The following ERGIC1 variants were observed in gnomAD, a reference collection of about 807,000 sequenced individuals.
The protein encoded by ERGIC1 is endoplasmic reticulum-Golgi intermediate compartment protein 1.
In ERGIC1, 19 loss-of-function variants were observed where a neutral mutation model predicts 38.3. The ratio of observed to expected loss-of-function variants is 0.50; its 90% confidence interval spans 0.35 to 0.73. ERGIC1 has a LOEUF of 0.73. Ranked by LOEUF, ERGIC1 falls within the 30% of genes least tolerant of loss-of-function variation. The pLI is 0.01. For synonymous variants in ERGIC1, 124 were observed against 157.6 expected (o/e 0.79, Z 1.60); for missense variants, 294 against 389.2 (o/e 0.76, Z 2.06).
At chr5:172,897,961 C>T in intron 3 of ERGIC1, 1 of 413,426 alleles carries the variant, frequency 2.4e-6, no homozygotes, top group Non-Finnish European at 4.4e-6. Flanking sequence ...GTGTGTGTAA[C>T]AGAATGCCAT....
intron 3 of ERGIC1, among the ~76,000 whole-genome samples, chr5:172,905,745 G>A (rs74441999): frequency 1.5e-5 from 2 of 131,640 alleles, no homozygotes; most frequent in Admixed American, 1.5e-4. Flanking sequence ...CCGGAACACA[G>A]ACCAGAAGAG....
intron 3 of ERGIC1, among the ~76,000 whole-genome samples, chr5:172,902,867 T>G (rs1323250909): frequency 6.6e-6 from 1 of 152,038 alleles, no homozygotes; most frequent in Non-Finnish European, 1.5e-5. Context: ...TCTGAACTAT[T>G]TAAGTGCTCT....
chr5:172,900,058 C>T (rs1465687402), intron 3 of ERGIC1, among the ~76,000 whole-genome samples: 2 of 152,230 alleles, frequency 1.3e-5, no homozygotes, highest in South Asian at 2.1e-4. Flanking sequence ...TAAGAAGATG[C>T]CTCTCTTGCC....
At chr5:172,854,805 A>G (rs1471929569) in intron 1 of ERGIC1, among the ~76,000 whole-genome samples, 2 of 152,264 alleles carry the variant, frequency 1.3e-5, no homozygotes. Flanking sequence ...TTAATGTCTA[A>G]TAGTAGAAGT....
At chr5:172,879,062 G>C (rs1762217678) in intron 1 of ERGIC1, among the ~76,000 whole-genome samples, 1 of 152,172 alleles carries the variant, frequency 6.6e-6, no homozygotes, top group Non-Finnish European at 1.5e-5. Flanking sequence ...TTAAGCCTTG[G>C]AAACAGTGAC....
intron 1 of ERGIC1, among the ~76,000 whole-genome samples, chr5:172,885,931 A>G (rs1359990012): frequency 6.6e-6 from 1 of 152,084 alleles, no homozygotes; most frequent in African/African-American, 2.4e-5. Context: ...ACTTCCATGT[A>G]AAATTCCACA....
intron 7 of ERGIC1, among the ~76,000 whole-genome samples, chr5:172,927,379 GC>G (rs1054858146): frequency 3.9e-5 from 6 of 152,074 alleles, no homozygotes; most frequent in Admixed American, 2.6e-4. Flanking sequence ...TCTGTGACCT[GC>G]CCCCCCGACA....
At chr5:172,855,336 G>T (rs958735373) in intron 1 of ERGIC1, among the ~76,000 whole-genome samples, 7 of 152,174 alleles carry the variant, frequency 4.6e-5, no homozygotes, top group Non-Finnish European at 1.0e-4. Flanking sequence ...TCTGCTGGGG[G>T]CTCCACCCAC....
chr5:172,932,519 T>A lies in ERGIC1; in HGVS notation c.625T>A (p.Tyr209Asn). Reference protein sequence around the residue: ...KSGKQRYSYQYTVANKEYVAY... With the variant: ...KSGKQRYSYQNTVANKEYVAY... ...TGGCAAGCAGCGGTACTCCTACCAGTACACGGTGGCCAACAAGGTGCGCGG... is the reference window on the plus strand; with the variant it reads ...TGGCAAGCAGCGGTACTCCTACCAGAACACGGTGGCCAACAAGGTGCGCGG... Residue 209 changes from tyrosine to asparagine, a missense_variant, in exon 8 of 10, where the codon TAC (tyrosine) becomes AAC (asparagine). By Grantham distance (143) the Tyr-to-Asn change is moderately radical. Coordinates refer to ENST00000393784, the MANE Select transcript of ERGIC1 (RefSeq NM_001031711.3). 1.2e-6 allele frequency: 2 copies of A among 1,614,134 alleles called. No homozygotes were observed.
At chr5:172,862,307 C>CAAAAAA (rs58968820) in intron 1 of ERGIC1, among the ~76,000 whole-genome samples, 4,491 of 49,460 alleles carry the variant, frequency 0.091, 956 homozygotes, top group East Asian at 0.28. Flanking sequence ...GACTACATCT[C>CAAAAAA]AAAAAAAAAA....
At chr5:172,914,254 A>AAAAAAAAAAAAAAAAT in intron 4 of ERGIC1, among the ~76,000 whole-genome samples, 1 of 131,240 alleles carries the variant, frequency 7.6e-6, no homozygotes, top group Non-Finnish European at 1.6e-5. Context: ...AAAAAAAAAA[A>AAAAAAAAAAAAAAAAT]AAATACAAAG....
At chr5:172,856,412 T>G (rs902335198) in intron 1 of ERGIC1, among the ~76,000 whole-genome samples, 2 of 141,536 alleles carry the variant, frequency 1.4e-5, no homozygotes, top group African/African-American at 5.1e-5. Context: ...AGGCAGGGAG[T>G]GAATCAGGGT....
intron 6 of ERGIC1, among the ~76,000 whole-genome samples, chr5:172,925,635 C>T (rs1231357931): frequency 6.6e-6 from 1 of 152,174 alleles, no homozygotes; most frequent in Non-Finnish European, 1.5e-5. Flanking sequence ...ACCTCACTCT[C>T]CTTCCTCCTG....
chr5:172,932,489 A>G lies in ERGIC1; in HGVS notation c.595A>G (p.Lys199Glu). The G allele has an allele frequency of 5.6e-6, 9 of 1,614,198 alleles. No homozygotes were observed. In the South Asian group the frequency reaches 8.8e-5, roughly 16 times the overall value. The change falls in exon 8 of 10, where the codon AAG becomes GAG. Residue 199 changes from lysine to glutamate, a missense_variant. By Grantham distance (56) the Lys-to-Glu change is moderately conservative. This residue lies in a region of ERGIC1 where 109 missense variants were observed against 112.7 expected (regional missense o/e 0.97). Transcript: ENST00000393784. The part of the protein sequence containing the change: ...LKIVPTVYED[K>E]SGKQRYSYQY... ...GATTGTGCCCACGGTTTATGAGGAC[A>G]AGAGTGGCAAGCAGCGGTACTCCTA...
chr5:172,854,831 T>G (rs1761504992), intron 1 of ERGIC1, among the ~76,000 whole-genome samples: 1 of 152,252 alleles, frequency 6.6e-6, no homozygotes, highest in Non-Finnish European at 1.5e-5. Flanking sequence ...GATCTTTATT[T>G]GGAAGTTTGG....
chr5:172,939,063 A>C (rs10040548), intron 9 of ERGIC1, among the ~76,000 whole-genome samples: 41,241 of 142,648 alleles, frequency 0.29, 5,769 homozygotes, highest in Non-Finnish European at 0.31. Context: ...ACTCCATCTC[A>C]AAAAAAAAAA....
In ERGIC1 at chr5:172,951,089, ATC is replaced by A. The variant is rs533658756; in HGVS notation, c.*275_*276del. 7.2e-4 allele frequency: 260 copies of A among 358,972 alleles called. 4 individuals are homozygous for A. Among genetic ancestry groups the A allele is most frequent in the African/African-American group, 4.9e-3 (235 of 47,656 alleles). 22.2% of individuals were successfully genotyped at this position (358,972 alleles called of 1,614,324 possible). On this transcript the variant is annotated 3_prime_UTR_variant, in exon 10 of 10. Transcript: ENST00000393784. ...CAGGCAAGGGGTGGGGAGTCCAGGG[ATC>A]TTGGGGACCCCTCCTAGGAGAGCTG... is the stretch of plus-strand genomic sequence containing the variant.
At chr5:172,911,170 C>T (rs1320375489) in intron 4 of ERGIC1, among the ~76,000 whole-genome samples, 4 of 152,132 alleles carry the variant, frequency 2.6e-5, no homozygotes, top group African/African-American at 7.2e-5. Flanking sequence ...GGTGCATCTC[C>T]GGCCAGAGAT....
chr5:172,935,103 G>A, intron 8 of ERGIC1, 85 bp from the exon 9 acceptor site: 1 of 1,597,906 alleles, frequency 6.3e-7, no homozygotes, highest in Non-Finnish European at 8.6e-7. Context: ...CTTTCTGGAG[G>A]GTTGCTGGGG....
Sources: allele counts gnomAD v4.1 joint callset (sites outside exome capture counted in the v4.1 genomes callset), GRCh38; gene constraint gnomAD v4.1.1; regional missense constraint gnomAD v4.1.1; transcripts MANE v1.5; gene names NCBI Gene and HGNC (gene_info 2026-07-23, HGNC 2026-07-21).